The following FSIP2 variants were observed in gnomAD, a reference collection of about 807,000 sequenced individuals.
FSIP2 encodes the protein fibrous sheath interacting protein 2, also known as fibrous sheath-interacting protein 2.
A neutral mutation model predicts 510.5 loss-of-function variants in FSIP2; 367 were observed. The observed-to-expected ratio is 0.72, with a 90% CI of 0.66 to 0.78. FSIP2 has a LOEUF of 0.78. Among genes scored for constraint, FSIP2 ranks in the 30% least tolerant of loss-of-function variants. The pLI, the probability that FSIP2 is intolerant of heterozygous loss-of-function variation, is 0.00. For synonymous variants in FSIP2, 2,601 were observed against 2,732.2 expected (o/e 0.95, Z 1.50); for missense variants, 7,594 against 7,901.7 (o/e 0.96, Z 1.48).
Position 185,793,712 on chromosome 2 carries a change from G to A in FSIP2, c.6576G>A (p.Thr2192=), listed in dbSNP as rs1693195049. 6.5e-7 allele frequency: 1 copy of A among 1,534,544 alleles called. No individual in the cohort carries two copies. The highest frequency in any genetic ancestry group is 8.7e-7 in the Non-Finnish European group (1 of 1,145,782). Residue 2192 remains threonine, a synonymous_variant, in exon 16 of 23, where the codon ACG becomes ACA. Coordinates refer to ENST00000424728, the MANE Select transcript of FSIP2 (RefSeq NM_173651.4). ...SARLPLTFCD[T]FPKIDCQQPL... ...GATTGCCCCTGACATTTTGTGATAC[G>A]TTTCCAAAAATAGACTGTCAACAGC...
chr2:185,794,792 G>A lies in FSIP2; in HGVS notation c.7656G>A (p.Leu2552=), dbSNP rs1383033310. 11 of 1,533,752 alleles carry A rather than the reference G, an allele frequency of 7.2e-6. No individual in the cohort carries two copies. In the East Asian group the frequency reaches 2.7e-4, roughly 38 times the overall value. Residue 2552 remains leucine (L), a synonymous_variant, in exon 16 of 23, where the codon TTG becomes TTA. Transcript: ENST00000424728. The part of the protein sequence containing the change: ...IVESVLGKMY[L]VVVTSLYENN... ...AAAGTGTTTTGGGGAAAATGTACTT[G>A]GTAGTTGTGACATCATTATATGAAA...
chr2:185,788,930 T>C lies in FSIP2; in HGVS notation c.1794T>C (p.Pro598=). Residue 598 remains proline (P), a synonymous_variant, in exon 16 of 23, where the codon CCT becomes CCC. Transcript: ENST00000424728. ...CGTCAGTAAGGAGACCAACCACACC[T>C]ATAAAACCTCCTCCTGCACATGTGG... ...VDTSVRRPTT[P]IKPPPAHVEK... is the part of the protein sequence containing the mutation. 6.5e-7 allele frequency: 1 copy of C among 1,535,018 alleles called. No homozygotes were observed. The highest frequency in any genetic ancestry group is 8.7e-7 in the Non-Finnish European group (1 of 1,146,044).
At chr2:185,749,415 T>C (rs1368476025) in intron 7 of FSIP2, among the ~76,000 whole-genome samples, 1 of 152,006 alleles carries the variant, frequency 6.6e-6, no homozygotes, top group Non-Finnish European at 1.5e-5. Context: ...GCTATTGTAA[T>C]TTATATTTCT....
chr2:185,796,407 G>T lies in FSIP2; in HGVS notation c.9271G>T (p.Ala3091Ser). 2.0e-6 allele frequency: 3 copies of T among 1,534,152 alleles called. No individual in the cohort carries two copies. The highest frequency in any genetic ancestry group is 2.6e-6 in the Non-Finnish European group (3 of 1,145,708). Residue 3091 changes from alanine to serine, a missense_variant, in exon 16 of 23, where the codon GCT (alanine) becomes TCT (serine). Ala to Ser is a moderately conservative substitution (Grantham distance 99). Coordinates refer to ENST00000424728, the MANE Select transcript of FSIP2 (RefSeq NM_173651.4). Reference sequence around the variant, plus strand: ...TGTTAATATCATCAGTGACATGCTTGCTGTAATTAAGAACAAGCTAGACAA... The same window carrying T: ...TGTTAATATCATCAGTGACATGCTTTCTGTAATTAAGAACAAGCTAGACAA... The part of the protein sequence containing the change: ...YAVNIISDML[A>S]VIKNKLDNEI...
At position 185,761,023 on chromosome 2, in the gene FSIP2, A is replaced by T; in HGVS notation, c.1114A>T (p.Ser372Cys). ...TANAAHQRQN[S>C]SNNFTKKNSA... Reference sequence around the variant, plus strand: ...AAATGCTGCTCATCAGCGTCAAAATAGTTCAAATAATTTTACGAAAAAAAA... The same window carrying T: ...AAATGCTGCTCATCAGCGTCAAAATTGTTCAAATAATTTTACGAAAAAAAA... The change falls in exon 10 of 23, where the codon AGT becomes TGT. Residue 372 changes from serine (S) to cysteine (C), a missense_variant. Physicochemically the swap from Ser to Cys is moderately radical, Grantham distance 112. Transcript: ENST00000424728. 1 of 1,504,322 alleles carries T rather than the reference A, an allele frequency of 6.6e-7. No homozygotes were observed. The highest frequency in any genetic ancestry group is 8.9e-7 in the Non-Finnish European group (1 of 1,123,286). 93.2% of individuals were successfully genotyped at this position (1,504,322 alleles called of 1,614,324 possible).
intron 21 of FSIP2, among the ~76,000 whole-genome samples, chr2:185,829,125 T>G (rs545523274): frequency 1.3e-5 from 2 of 152,004 alleles, no homozygotes; most frequent in East Asian, 3.9e-4. Flanking sequence ...AGCTCTAATC[T>G]AAGAACCTAT....
Position 185,790,964 on chromosome 2 carries a change from T to C in FSIP2, c.3828T>C (p.Cys1276=). The change falls in exon 16 of 23, where the codon TGT becomes TGC. Residue 1276 remains cysteine (C), a synonymous_variant. Coordinates refer to ENST00000424728, the MANE Select transcript of FSIP2 (RefSeq NM_173651.4). The stretch of plus-strand genomic sequence containing the variant: ...TTAAAAGACTGAAGTCATTTATTTG[T>C]CCAAAATTGCATATGGGCTTCAAAT... The part of the protein sequence containing the change: ...TIFKRLKSFI[C]PKLHMGFKSS... 6.6e-7 allele frequency: 1 copy of C among 1,526,546 alleles called. No individual in the cohort carries two copies. The highest frequency in any genetic ancestry group is 8.7e-7 in the Non-Finnish European group (1 of 1,143,202). The allele number at this position is 1,526,546 out of a possible 1,614,324, so 94.6% of individuals were successfully genotyped here.
chr2:185,804,142 T>C lies in FSIP2; in HGVS notation c.14836T>C (p.Ser4946Pro), dbSNP rs1693505392. The change falls in exon 17 of 23, where the codon TCT becomes CCT. Residue 4946 changes from serine to proline, a missense_variant. Coordinates refer to ENST00000424728, the MANE Select transcript of FSIP2 (RefSeq NM_173651.4). ...QRELSFIVNS[S>P]VFLEEVISEL... Reference sequence around the variant, plus strand: ...AGAATTATCTTTTATTGTGAACTCATCTGTCTTTTTGGAGGAAGTAATTTC... The same window carrying C: ...AGAATTATCTTTTATTGTGAACTCACCTGTCTTTTTGGAGGAAGTAATTTC... The C allele has an allele frequency of 6.6e-7, 1 of 1,514,742 alleles. No individual in the cohort carries two copies. Among genetic ancestry groups the C allele is most frequent in the African/African-American group, 1.4e-5 (1 of 71,736 alleles). The allele number at this position is 1,514,742 out of a possible 1,614,324, so 93.8% of individuals were successfully genotyped here.
Position 185,830,692 on chromosome 2 carries a change from CCATT to C in FSIP2, c.20518-1120_20518-1117del, listed in dbSNP as rs1265077510. Among the ~76,000 whole-genome samples the C allele has an allele frequency of 2.0e-5, 3 of 151,826 alleles. No individual in the cohort carries two copies. The South Asian group carries it at 6.2e-4, about 32-fold the overall frequency. On this transcript the variant is annotated intron_variant, in intron 21 of 22. Transcript: ENST00000424728. ...ACATGTTCGGTATACATGCAACCAT[CCATT>C]ATTTTTCATATATTTTTGATCTCTG...
chr2:185,759,496 ATAT>A (rs1692307254), intron 9 of FSIP2, among the ~76,000 whole-genome samples: 2 of 145,464 alleles, frequency 1.4e-5, no homozygotes, highest in African/African-American at 2.5e-5. Flanking sequence ...TATTTATATT[ATAT>A]TATTTACAGT....
intron 14 of FSIP2, among the ~76,000 whole-genome samples, 163 bp from the exon 15 acceptor site, chr2:185,786,089 A>G (rs1692965983): frequency 6.6e-6 from 1 of 151,940 alleles, no homozygotes; most frequent in Admixed American, 6.6e-5. Context: ...CTAAGGAGGA[A>G]GTGAAATAGG....
chr2:185,797,474 A>C lies in FSIP2; in HGVS notation c.10338A>C (p.Ala3446=). 2 of 1,522,036 alleles carry C rather than the reference A, an allele frequency of 1.3e-6. No homozygotes were observed. 94.3% of individuals were successfully genotyped at this position (1,522,036 alleles called of 1,614,324 possible). Reference sequence around the variant, plus strand: ...GTTCCAATGAAGTTCATCTGATAGCAAGACATGTCACCACATCTGTGGTCA... The same window carrying C: ...GTTCCAATGAAGTTCATCTGATAGCCAGACATGTCACCACATCTGTGGTCA... ...EMGSNEVHLI[A]RHVTTSVVTY... Residue 3446 remains alanine, a synonymous_variant, in exon 16 of 23, where the codon GCA becomes GCC. Transcript: ENST00000424728.
chr2:185,739,305 G>A (rs1314124009), intron 1 of FSIP2, 41 bp from the exon 2 acceptor site: 1 of 1,496,864 alleles, frequency 6.7e-7, no homozygotes, highest in Non-Finnish European at 8.9e-7. Flanking sequence ...AACTAATACT[G>A]CCTAAAAGGA....
chr2:185,743,899 A>G (rs943803564), intron 3 of FSIP2, among the ~76,000 whole-genome samples: 1 of 152,172 alleles, frequency 6.6e-6, no homozygotes, highest in African/African-American at 2.4e-5. Flanking sequence ...CAATGGCGCA[A>G]TCATGGCTCA....
chr2:185,755,876 T>A (rs1574157643), intron 8 of FSIP2, among the ~76,000 whole-genome samples: 1 of 151,602 alleles, frequency 6.6e-6, no homozygotes, highest in Non-Finnish European at 1.5e-5. Flanking sequence ...TGCTGAGTCT[T>A]CAGCCCAGCC....
In FSIP2 at chr2:185,747,324, A is replaced by G. The variant is rs747440726; in HGVS notation, c.771A>G (p.Thr257=). 19 of 1,521,676 alleles carry G rather than the reference A, an allele frequency of 1.2e-5. No homozygotes were observed. The highest frequency in any genetic ancestry group is 9.8e-5 in the Admixed American group (5 of 50,920). The allele number at this position is 1,521,676 out of a possible 1,614,324, so 94.3% of individuals were successfully genotyped here. Residue 257 remains threonine, a synonymous_variant, in exon 7 of 23, where the codon ACA becomes ACG. Coordinates refer to ENST00000424728, the MANE Select transcript of FSIP2 (RefSeq NM_173651.4). ...LRRKIEEEWK[T]KEMLLLTRMA... ...ATTGTGATTTCTAGGAATGGAAGAC[A>G]AAAGAGATGTTACTTCTGACAAGGA...
intron 19 of FSIP2, among the ~76,000 whole-genome samples, chr2:185,822,632 T>TA (rs1693944397): frequency 6.6e-6 from 1 of 151,906 alleles, no homozygotes; most frequent in South Asian, 2.1e-4. Context: ...ATGTTAATTC[T>TA]ACTCAAAGTA....
chr2:185,824,119 T>G (rs1693972295), intron 19 of FSIP2, among the ~76,000 whole-genome samples: 1 of 151,778 alleles, frequency 6.6e-6, no homozygotes, highest in Non-Finnish European at 1.5e-5. Flanking sequence ...GGTATACAGT[T>G]TCAGTTGGGA....
intron 19 of FSIP2, among the ~76,000 whole-genome samples, chr2:185,816,022 A>T (rs1459756778): frequency 6.6e-6 from 1 of 152,054 alleles, no homozygotes; most frequent in East Asian, 1.9e-4. Context: ...TATAACAGTT[A>T]TAGGGGACAA....
Sources: gnomAD v4.1 joint callset for allele counts (sites outside exome capture counted in the v4.1 genomes callset) on GRCh38, gnomAD v4.1.1 for gene constraint, MANE v1.5 for transcripts, NCBI Gene and HGNC (gene_info 2026-07-23, HGNC 2026-07-21) for gene names.